Variants in UBQLN1 observed in about 807,000 individuals in gnomAD.
The protein encoded by UBQLN1 is ubiquilin-1.
UBQLN1 carries 13 observed loss-of-function variants against 65.4 expected under a neutral mutation model. That is an observed-to-expected ratio of 0.20 (90% CI 0.13 to 0.32). The LOEUF (loss-of-function observed/expected upper bound fraction) is 0.32, where lower values mean the gene tolerates loss of function less well. Ranked by LOEUF, UBQLN1 falls within the 10% of genes least tolerant of loss-of-function variation. UBQLN1 has a pLI of 1.00. For synonymous variants in UBQLN1, 267 were observed against 247.8 expected (o/e 1.08, Z -0.73); for missense variants, 561 against 724.0 (o/e 0.77, Z 2.58).
At chr9:83,679,349 G>A (rs1463937277) in intron 4 of UBQLN1, among the ~76,000 whole-genome samples, 2 of 152,202 alleles carry the variant, frequency 1.3e-5, no homozygotes, top group African/African-American at 4.8e-5. Context: ...ATGAGGTGTT[G>A]TCTGATTCTA....
intron 1 of UBQLN1, among the ~76,000 whole-genome samples, chr9:83,699,910 C>CTT (rs1832283534): frequency 6.6e-6 from 1 of 152,156 alleles, no homozygotes; most frequent in Admixed American, 6.5e-5. Context: ...AGCAATGGCT[C>CTT]TTAAATTTTC....
At chr9:83,676,356 T>C (rs1048212760) in intron 6 of UBQLN1, among the ~76,000 whole-genome samples, 3 of 152,226 alleles carry the variant, frequency 2.0e-5, no homozygotes, top group African/African-American at 7.2e-5. Flanking sequence ...GTTTTTGGTT[T>C]TTTAGACAAA....
intron 5 of UBQLN1, among the ~76,000 whole-genome samples, 174 bp downstream of exon 5, chr9:83,678,267 C>T (rs1831876494): frequency 6.6e-6 from 1 of 152,250 alleles, no homozygotes. Flanking sequence ...GGGATCCACC[C>T]GCCTCGGCCT....
chr9:83,678,979 C>T (rs1831892673), intron 4 of UBQLN1, among the ~76,000 whole-genome samples: 1 of 152,142 alleles, frequency 6.6e-6, no homozygotes, highest in South Asian at 2.1e-4. Context: ...CCTCAGCTTC[C>T]CAAAGTGCTG....
At chr9:83,697,925 G>A (rs1435988774) in intron 1 of UBQLN1, among the ~76,000 whole-genome samples, 4 of 151,922 alleles carry the variant, frequency 2.6e-5, no homozygotes, top group Non-Finnish European at 2.9e-5. Flanking sequence ...TAGTAGAGAC[G>A]GGGTTTCTCC....
Position 83,683,166 on chromosome 9 carries a change from A to C in UBQLN1, c.333-100T>G, listed in dbSNP as rs1369707662. The C allele has an allele frequency of 5.6e-6, 4 of 718,524 alleles. No homozygotes were observed. The Admixed American group carries it at 1.0e-4, about 18-fold the overall frequency. The allele number at this position is 718,524 out of a possible 1,614,324, so 44.5% of individuals were successfully genotyped here. A position where few individuals can be genotyped will look rare whatever the true frequency, so the allele number is the denominator to read the frequency against. ...AGTGGCTCACGCCTGTAATCCCAGC[A>C]CTTTGGGAGGCCGAAGCTGGCTGAT... On this transcript the variant is annotated intron_variant, in intron 2 of 10. Coordinates refer to ENST00000376395, the MANE Select transcript of UBQLN1 (RefSeq NM_013438.5).
intron 1 of UBQLN1, among the ~76,000 whole-genome samples, chr9:83,697,467 G>C (rs1832236023): frequency 1.4e-5 from 2 of 144,126 alleles, no homozygotes; most frequent in Admixed American, 1.4e-4. Flanking sequence ...CAAGAGAATT[G>C]TGTGAACCCA....
At chr9:83,678,110 C>T in intron 5 of UBQLN1, 149 bp from the exon 6 acceptor site, 1 of 665,164 alleles carries the variant, frequency 1.5e-6, no homozygotes, top group South Asian at 2.1e-5. Flanking sequence ...CAAGCTCCGC[C>T]TCCTGTGTTC....
At position 83,695,604 on chromosome 9, in the gene UBQLN1, G is replaced by A. The variant is rs866552409; in HGVS notation, c.181-9449C>T. On this transcript the variant is annotated intron_variant, in intron 1 of 10. Coordinates refer to ENST00000376395, the MANE Select transcript of UBQLN1 (RefSeq NM_013438.5). ...AGTTATATCCTTTAAGAAAACTGGAGAGAGCTTTAAAGAGTTAAAAAAAAA... is the reference window on the plus strand; with the variant it reads ...AGTTATATCCTTTAAGAAAACTGGAAAGAGCTTTAAAGAGTTAAAAAAAAA... 5.9e-4 allele frequency among the ~76,000 whole-genome samples: 80 copies of A among 136,266 alleles called. 2 individuals carry two copies. The highest frequency in any genetic ancestry group is 7.5e-3 in the Middle Eastern group (2 of 268). The allele number at this position is 136,266 out of a possible 152,430, so 89.4% of individuals were successfully genotyped here. A position where few individuals can be genotyped will look rare whatever the true frequency, so the allele number is the denominator to read the frequency against.
At chr9:83,672,669 C>G (rs1460642884) in intron 6 of UBQLN1, among the ~76,000 whole-genome samples, 1 of 152,120 alleles carries the variant, frequency 6.6e-6, no homozygotes, top group African/African-American at 2.4e-5. Flanking sequence ...ATCACCACAA[C>G]AGAATAATGA....
intron 6 of UBQLN1, among the ~76,000 whole-genome samples, chr9:83,673,545 T>TAAAAAAAAAAAAAAAA (rs1564162390): frequency 1.5e-5 from 1 of 67,992 alleles, no homozygotes; most frequent in African/African-American, 7.3e-5. Context: ...ACTCGGTCTT[T>TAAAAAAAAAAAAAAAA]TAAAAAAAAA....
At chr9:83,675,460 T>C (rs903374362) in intron 6 of UBQLN1, among the ~76,000 whole-genome samples, 1 of 140,492 alleles carries the variant, frequency 7.1e-6, no homozygotes, top group Non-Finnish European at 1.6e-5. Flanking sequence ...ACAGACTTCC[T>C]ATGCCGTCAA....
At chr9:83,677,664 A>G (rs904457892) in intron 6 of UBQLN1, 63 bp downstream of exon 6, 3 of 1,198,858 alleles carry the variant, frequency 2.5e-6, no homozygotes, top group African/African-American at 3.0e-5. Flanking sequence ...AAGAGTATAA[A>G]CAATGTTTTA....
In UBQLN1 at chr9:83,681,349, T is replaced by C. The variant is rs536270066; in HGVS notation, c.449-1312A>G. 3.3e-5 allele frequency among the ~76,000 whole-genome samples: 5 copies of C among 152,340 alleles called. No individual in the cohort carries two copies. The East Asian group carries it at 5.8e-4, about 18-fold the overall frequency. On this transcript the variant is annotated intron_variant, in intron 3 of 10. Transcript: ENST00000376395. ...TATATATGCCAGAGACTGTGTTACA[T>C]ATGTATTGAGAATAAGGCAACAAGA...
intron 1 of UBQLN1, among the ~76,000 whole-genome samples, chr9:83,700,153 T>C (rs1336517502): frequency 6.6e-6 from 1 of 152,216 alleles, no homozygotes; most frequent in Non-Finnish European, 1.5e-5. Flanking sequence ...TAGCTATTCA[T>C]ATCACTTTCT....
intron 2 of UBQLN1, 130 bp downstream of exon 2, chr9:83,685,874 C>A: frequency 1.0e-5 from 8 of 780,798 alleles, no homozygotes; most frequent in Non-Finnish European, 1.5e-5. Flanking sequence ...TTGTTATCGA[C>A]AGCAAGGAAA....
intron 3 of UBQLN1, among the ~76,000 whole-genome samples, chr9:83,681,071 A>G (rs1030409219): frequency 1.3e-5 from 2 of 152,176 alleles, no homozygotes; most frequent in African/African-American, 4.8e-5. Context: ...TAATCTTTCC[A>G]AAAGACTAGT....
chr9:83,678,212 G>A (rs1008747692), intron 5 of UBQLN1, among the ~76,000 whole-genome samples: 2 of 151,908 alleles, frequency 1.3e-5, no homozygotes, highest in Non-Finnish European at 2.9e-5. Context: ...TAGTAGAGAC[G>A]GGATTTCACC....
chr9:83,692,767 G>A (rs1463172471), intron 1 of UBQLN1, among the ~76,000 whole-genome samples: 3 of 152,126 alleles, frequency 2.0e-5, no homozygotes, highest in Non-Finnish European at 2.9e-5. Context: ...CAGGAGAATC[G>A]CTTGAACCCG....
Sources: allele counts gnomAD v4.1 joint callset (sites outside exome capture counted in the v4.1 genomes callset), GRCh38; gene constraint gnomAD v4.1.1; transcripts MANE v1.5; gene names NCBI Gene and HGNC (gene_info 2026-07-23, HGNC 2026-07-21).